ZNF704: variants seen among roughly 807,000 people sequenced by gnomAD.
ZNF704 encodes glucocorticoid induced gene 1.
In ZNF704, 10 loss-of-function variants were observed where a neutral mutation model predicts 44.7. The observed-to-expected ratio is 0.22, with a 90% CI of 0.14 to 0.38. The LOEUF (loss-of-function observed/expected upper bound fraction) is 0.38. Ranked by LOEUF, ZNF704 falls within the 10% of genes least tolerant of loss-of-function variation. ZNF704 has a pLI of 1.00. For synonymous variants in ZNF704, 211 were observed against 207.6 expected (o/e 1.02, Z -0.14); for missense variants, 390 against 545.5 (o/e 0.71, Z 2.84).
chr8:80,799,019 T>A (rs1174989070), intron 2 of ZNF704, among the ~76,000 whole-genome samples: 2 of 152,156 alleles, frequency 1.3e-5, no homozygotes, highest in South Asian at 4.1e-4. Flanking sequence ...CCTCTCCTTA[T>A]AAAGCCATCA....
intron 2 of ZNF704, among the ~76,000 whole-genome samples, chr8:80,765,822 C>A (rs1468690620): frequency 6.6e-6 from 1 of 152,128 alleles, no homozygotes; most frequent in African/African-American, 2.4e-5. Context: ...GAATTATGAT[C>A]AACACCGATC....
At chr8:80,736,495 G>T (rs1286735899) in intron 2 of ZNF704, among the ~76,000 whole-genome samples, 3 of 152,148 alleles carry the variant, frequency 2.0e-5, no homozygotes, top group Non-Finnish European at 2.9e-5. Context: ...GGCCAGGCTG[G>T]TCTTGATTTC....
chr8:80,846,410 A>ACC (rs1808768516), intron 1 of ZNF704, among the ~76,000 whole-genome samples: 1 of 149,618 alleles, frequency 6.7e-6, no homozygotes, highest in Non-Finnish European at 1.5e-5. Flanking sequence ...ATACACACAC[A>ACC]CACACACACA....
At chr8:80,844,828 T>TA (rs1284573778) in intron 1 of ZNF704, among the ~76,000 whole-genome samples, 3 of 148,900 alleles carry the variant, frequency 2.0e-5, no homozygotes, top group African/African-American at 7.4e-5. Context: ...TTTTCTTCTC[T>TA]TTTTATTTAT....
intron 2 of ZNF704, among the ~76,000 whole-genome samples, chr8:80,695,818 T>C (rs1818715939): frequency 6.6e-6 from 1 of 152,208 alleles, no homozygotes; most frequent in Admixed American, 6.5e-5. Flanking sequence ...AAAAAAGGAA[T>C]AATTAGTATA....
intron 2 of ZNF704, among the ~76,000 whole-genome samples, chr8:80,716,217 C>A (rs952870654): frequency 1.3e-5 from 2 of 152,162 alleles, no homozygotes; most frequent in Non-Finnish European, 2.9e-5. Context: ...ATAGACACCA[C>A]GTACAGGAGC....
At chr8:80,679,377 G>A (rs1438526498) in intron 4 of ZNF704, among the ~76,000 whole-genome samples, 2 of 149,182 alleles carry the variant, frequency 1.3e-5, no homozygotes, top group Non-Finnish European at 2.9e-5. Flanking sequence ...CATGGGAGGA[G>A]GAGAACATGA....
At chr8:80,751,811 G>A (rs866311226) in intron 2 of ZNF704, among the ~76,000 whole-genome samples, 4 of 152,168 alleles carry the variant, frequency 2.6e-5, no homozygotes, top group East Asian at 3.9e-4. Flanking sequence ...GCAGTGGCAC[G>A]GTCTTGGCTC....
At chr8:80,665,817 TTTTA>T (rs1818180482) in intron 5 of ZNF704, among the ~76,000 whole-genome samples, 1 of 151,190 alleles carries the variant, frequency 6.6e-6, no homozygotes. Context: ...CACTATTTTA[TTTTA>T]TTTTATTTTA....
At chr8:80,773,385 C>G (rs1417904746) in intron 2 of ZNF704, among the ~76,000 whole-genome samples, 2 of 152,170 alleles carry the variant, frequency 1.3e-5, no homozygotes, top group Non-Finnish European at 2.9e-5. Context: ...AAGTGGAGTA[C>G]AGATATCTTA....
Position 80,740,030 on chromosome 8 carries a change from G to C in ZNF704, c.222-46923C>G, listed in dbSNP as rs1419279200. On this transcript the variant is annotated intron_variant, in intron 2 of 8. Coordinates refer to ENST00000327835, the MANE Select transcript of ZNF704 (RefSeq NM_001033723.3). ...AGGGTCAGGAGGTTAACTGTCTCCTGGATGCTGGCACGACCTTCTCAGTTT... is the reference window on the plus strand; with the variant it reads ...AGGGTCAGGAGGTTAACTGTCTCCTCGATGCTGGCACGACCTTCTCAGTTT... Among the ~76,000 whole-genome samples the C allele has an allele frequency of 2.0e-5, 3 of 152,102 alleles. No individual in the cohort carries two copies. In the South Asian group the frequency reaches 6.2e-4, roughly 32 times the overall value.
At chr8:80,710,088 T>C (rs566800579) in intron 2 of ZNF704, among the ~76,000 whole-genome samples, 4 of 152,098 alleles carry the variant, frequency 2.6e-5, no homozygotes, top group Non-Finnish European at 5.9e-5. Flanking sequence ...CTTGCTGTCA[T>C]GGTAAAGGGG....
chr8:80,735,082 A>G (rs554553190), intron 2 of ZNF704, among the ~76,000 whole-genome samples: 1 of 152,326 alleles, frequency 6.6e-6, no homozygotes, highest in South Asian at 2.1e-4. Flanking sequence ...CTTCAGCATC[A>G]TCTGAAGATC....
chr8:80,790,561 T>C (rs192783111), intron 2 of ZNF704, among the ~76,000 whole-genome samples: 1 of 152,230 alleles, frequency 6.6e-6, no homozygotes, highest in East Asian at 1.9e-4. Context: ...GGAAACTATA[T>C]GCAAGAAAGT....
chr8:80,878,077 A>T (rs936745018), upstream of ZNF704, among the ~76,000 whole-genome samples: 13 of 152,282 alleles, frequency 8.5e-5, no homozygotes, highest in African/African-American at 3.1e-4. Context: ...TTTGAGAAGC[A>T]CTGCTGCGGA....
At chr8:80,792,383 C>G (rs925714474) in intron 2 of ZNF704, among the ~76,000 whole-genome samples, 7 of 152,118 alleles carry the variant, frequency 4.6e-5, no homozygotes, top group Non-Finnish European at 2.9e-5. Context: ...AGAATATACA[C>G]AAGGCTTGGC....
intron 2 of ZNF704, among the ~76,000 whole-genome samples, chr8:80,717,841 G>T (rs141702940): frequency 6.6e-6 from 1 of 152,112 alleles, no homozygotes; most frequent in African/African-American, 2.4e-5. Flanking sequence ...CTTACTGAAT[G>T]AAAGCTAAAC....
At chr8:80,679,107 T>C (rs1181216700) in intron 4 of ZNF704, among the ~76,000 whole-genome samples, 6 of 152,164 alleles carry the variant, frequency 3.9e-5, no homozygotes, top group Non-Finnish European at 8.8e-5. Context: ...CTTAAGGCTC[T>C]ACGGGTTAGG....
At chr8:80,654,067 C>T (rs1434069038) in intron 7 of ZNF704, among the ~76,000 whole-genome samples, 3 of 152,198 alleles carry the variant, frequency 2.0e-5, no homozygotes, top group Middle Eastern at 3.4e-3. Flanking sequence ...TTTGACAAAC[C>T]TGACAAAAAC....
Sources: gnomAD v4.1 joint callset for allele counts (sites outside exome capture counted in the v4.1 genomes callset) on GRCh38, gnomAD v4.1.1 for gene constraint, MANE v1.5 for transcripts, NCBI Gene and HGNC (gene_info 2026-07-23, HGNC 2026-07-21) for gene names.